Variants in OR1J2 observed in about 807,000 individuals in gnomAD.
OR1J2 encodes the protein olfactory receptor 1J2.
For missense variants in OR1J2, 304 were observed against 246.1 expected (o/e 1.24, Z -1.57); for synonymous variants, 142 against 99.7 (o/e 1.42, Z -2.52).
the OR1J2 span, chr9:122,568,301 AG>A: frequency 6.2e-7 from 1 of 1,614,094 alleles, no homozygotes; most frequent in Non-Finnish European, 8.5e-7. Flanking sequence ...AGAAATACAT[AG>A]GGGTCTGAAG....
chr9:122,459,956 C>T, the OR1J2 span, among the ~76,000 whole-genome samples: 1,912 of 152,080 alleles, frequency 0.013, 33 homozygotes, highest in African/African-American at 0.044. Flanking sequence ...TGGTAAAACC[C>T]ATACTTATTT....
the OR1J2 span, among the ~76,000 whole-genome samples, chr9:122,548,102 G>A: frequency 6.6e-6 from 1 of 152,244 alleles, no homozygotes; most frequent in Non-Finnish European, 1.5e-5. Context: ...TTTGCTCAAA[G>A]CAGAAGTATA....
At chr9:122,479,360 A>G in the OR1J2 span, among the ~76,000 whole-genome samples, 8 of 152,190 alleles carry the variant, frequency 5.3e-5, no homozygotes, top group Non-Finnish European at 1.2e-4. Flanking sequence ...TAAAATGCTG[A>G]TGAGTTTGGA....
the OR1J2 span, among the ~76,000 whole-genome samples, chr9:122,517,706 C>A: frequency 6.6e-6 from 1 of 151,160 alleles, no homozygotes; most frequent in African/African-American, 2.5e-5. Flanking sequence ...TTTAGAATAT[C>A]TTTTTGAGGT....
chr9:122,565,807 A>G, the OR1J2 span, among the ~76,000 whole-genome samples: 5 of 152,242 alleles, frequency 3.3e-5, no homozygotes, highest in Admixed American at 2.0e-4. Context: ...TTTGATTTCA[A>G]CTCTAAGAAC....
the OR1J2 span, among the ~76,000 whole-genome samples, chr9:122,525,661 C>G: frequency 6.6e-6 from 1 of 152,094 alleles, no homozygotes; most frequent in African/African-American, 2.4e-5. Flanking sequence ...GGTGGCATTG[C>G]ACGTTTCTGA....
At chr9:122,488,351 G>T in the OR1J2 span, among the ~76,000 whole-genome samples, 1 of 152,008 alleles carries the variant, frequency 6.6e-6, no homozygotes, top group East Asian at 1.9e-4. Flanking sequence ...GTTGCCCAGG[G>T]TGGTCTCAAA....
the OR1J2 span, among the ~76,000 whole-genome samples, chr9:122,535,584 TAA>T: frequency 6.6e-6 from 1 of 151,592 alleles, no homozygotes; most frequent in African/African-American, 2.4e-5. Flanking sequence ...GAGAAGAGAG[TAA>T]AAAGAGGCCG....
the OR1J2 span, chr9:122,477,405 G>T: frequency 1.2e-6 from 2 of 1,614,068 alleles, no homozygotes; most frequent in African/African-American, 1.3e-5. Flanking sequence ...AGTAGTGAGG[G>T]ATGATGTGGT....
At chr9:122,501,595 GA>G in the OR1J2 span, among the ~76,000 whole-genome samples, 2 of 152,080 alleles carry the variant, frequency 1.3e-5, no homozygotes, top group African/African-American at 4.8e-5. Flanking sequence ...CGAGAGAAAA[GA>G]AAGTAAGATT....
the OR1J2 span, among the ~76,000 whole-genome samples, chr9:122,552,075 T>A: frequency 0.28 from 37,628 of 135,022 alleles, 5,892 homozygotes; most frequent in Middle Eastern, 0.32. Context: ...TCTCTCTCTC[T>A]CTCTCACACA....
the OR1J2 span, among the ~76,000 whole-genome samples, chr9:122,566,950 T>C: frequency 1.4e-4 from 22 of 151,790 alleles, no homozygotes; most frequent in African/African-American, 5.1e-4. Flanking sequence ...TATGATAAAA[T>C]ATAAGAGGAA....
At chr9:122,557,278 G>T in the OR1J2 span, among the ~76,000 whole-genome samples, 1 of 151,932 alleles carries the variant, frequency 6.6e-6, no homozygotes, top group Non-Finnish European at 1.5e-5. Flanking sequence ...GTAATGAGGG[G>T]GGACATTTTT....
the OR1J2 span, among the ~76,000 whole-genome samples, chr9:122,573,754 C>T: frequency 2.0e-5 from 3 of 152,072 alleles, no homozygotes; most frequent in Admixed American, 6.5e-5. Flanking sequence ...TTAATGAAGT[C>T]CAGCTTATGA....
chr9:122,578,418 C>T, the OR1J2 span: 5 of 148,586 alleles, frequency 3.4e-5, no homozygotes, highest in African/African-American at 1.3e-4. Flanking sequence ...CACGGCACTC[C>T]AGCCTGGGCG....
chr9:122,548,063 TA>T, the OR1J2 span, among the ~76,000 whole-genome samples: 1 of 152,212 alleles, frequency 6.6e-6, no homozygotes. Context: ...ATTTTCCTCA[TA>T]TGCTTATTAA....
chr9:122,571,136 CCCATGTTCAGAAT>C, the OR1J2 span, among the ~76,000 whole-genome samples: 1 of 152,290 alleles, frequency 6.6e-6, no homozygotes, highest in East Asian at 1.9e-4. Flanking sequence ...ACTTTCTTGT[CCCATGTTCAGAAT>C]CCACTCTTGC....
the OR1J2 span, among the ~76,000 whole-genome samples, chr9:122,561,260 G>T: frequency 6.6e-6 from 1 of 152,114 alleles, no homozygotes; most frequent in Non-Finnish European, 1.5e-5. Context: ...AAGGTCCTTA[G>T]CTTCTTTGCA....
At chr9:122,556,567 T>A in the OR1J2 span, among the ~76,000 whole-genome samples, 1 of 152,050 alleles carries the variant, frequency 6.6e-6, no homozygotes, top group East Asian at 1.9e-4. Flanking sequence ...AACTAATGCA[T>A]GCGGGGCTTA....
Sources: allele counts gnomAD v4.1 joint callset (sites outside exome capture counted in the v4.1 genomes callset), GRCh38; gene constraint gnomAD v4.1.1; transcripts MANE v1.5; gene names NCBI Gene and HGNC (gene_info 2026-07-23, HGNC 2026-07-21).